REST: variants seen among roughly 807,000 people sequenced by gnomAD.
REST encodes RE1 silencing transcription factor, also known as RE1-silencing transcription factor.
Under a neutral mutation model 30.4 loss-of-function variants are expected in REST, and 1 was observed. The ratio of observed to expected loss-of-function variants is 0.03; its 90% CI spans 0.01 to 0.16. The LOEUF is 0.16. REST is among the 10% of genes least tolerant of loss of function. REST has a pLI of 1.00. For missense variants in REST, 1,259 were observed against 1,329.5 expected, an observed-to-expected ratio of 0.95 and a Z score of 0.82; for synonymous variants, 504 against 451.1, an observed-to-expected ratio of 1.12 and a Z score of -1.49.
rs745688107 is a variant in REST, at chr4:56,932,099, C to T, written c.3241C>T (p.Arg1081Cys). 3.1e-6 allele frequency: 5 copies of T among 1,614,052 alleles called. No individual in the cohort carries two copies. Among genetic ancestry groups the T allele is most frequent in the African/African-American group, 1.3e-5 (1 of 74,934 alleles). The change falls in exon 4 of 4, where the codon CGC (arginine) becomes TGC (cysteine). Residue 1081 changes from arginine (R) to cysteine (C), a missense_variant. Around this residue, in one of 5 missense-constraint regions of REST, gnomAD observed 25 missense variants for 33.2 expected, o/e 0.75. Coordinates refer to ENST00000309042, the MANE Select transcript of REST (RefSeq NM_005612.5). ...AAAAGATTACAGCAAACACCTCAAT[C>T]GCCATTTGGTTAATGTGTACTATCT... ...KGKDYSKHLNRHLVNVYYLEE... is the reference protein window; with the variant it reads ...KGKDYSKHLNCHLVNVYYLEE...
chr4:56,911,252 C>G lies in REST; in HGVS notation c.614C>G (p.Thr205Ser). ...AAAGCCAGGGAATCTGGCTCTTCCA[C>G]TGCAGAAGAGGGAGATTTCTCCAAG... ...QAKARESGSS[T>S]AEEGDFSKGP... The change falls in exon 2 of 4, where the codon ACT becomes AGT. Residue 205 changes from threonine to serine, a missense_variant. By Grantham distance (58) the Thr-to-Ser change is moderately conservative. Transcript: ENST00000309042. The G allele has an allele frequency of 1.2e-6, 2 of 1,614,160 alleles. No homozygotes were observed. The highest frequency in any genetic ancestry group is 1.7e-6 in the Non-Finnish European group (2 of 1,180,016).
At position 56,919,817 on chromosome 4, in the gene REST, C is replaced by G; in HGVS notation, c.929C>G (p.Pro310Arg). Residue 310 changes from proline (P) to arginine (R), a missense_variant, in exon 3 of 4, where the codon CCT (proline) becomes CGT (arginine). Physicochemically the swap from Pro to Arg is moderately radical, Grantham distance 103. Around this residue, in one of 5 missense-constraint regions of REST, gnomAD observed 125 missense variants for 255.4 expected, o/e 0.49. Transcript: ENST00000309042. ...CGCCCATATAAATGTGAACTTTGTCCTTACTCAAGTTCTCAGAAGACTCAT... is the reference window on the plus strand; with the variant it reads ...CGCCCATATAAATGTGAACTTTGTCGTTACTCAAGTTCTCAGAAGACTCAT... ...GERPYKCELC[P>R]YSSSQKTHLT... 1 of 1,608,956 alleles carries G rather than the reference C, an allele frequency of 6.2e-7. No homozygotes were observed. The highest frequency in any genetic ancestry group is 8.5e-7 in the Non-Finnish European group (1 of 1,176,538).
In REST at chr4:56,933,084, A is replaced by C. The variant is rs1578518880; in HGVS notation, c.*932A>C. On this transcript the variant is annotated 3_prime_UTR_variant, in exon 4 of 4. Coordinates refer to ENST00000309042, the MANE Select transcript of REST (RefSeq NM_005612.5). ...ATATCTATGCCAGAATCTGTATTTC[A>C]TATAACTTATTTATTTCGAATGGAT... The C allele has an allele frequency of 6.6e-6, 1 of 152,226 alleles. No individual in the cohort carries two copies. Among genetic ancestry groups the C allele is most frequent in the African/African-American group, 2.4e-5 (1 of 41,460 alleles). The allele number at this position is 152,226 out of a possible 1,614,324, so 9.4% of individuals were successfully genotyped here.
intron 2 of REST, among the ~76,000 whole-genome samples, chr4:56,913,032 A>T (rs1720007277): frequency 6.6e-6 from 1 of 151,962 alleles, no homozygotes; most frequent in Non-Finnish European, 1.5e-5. Context: ...ACCTGGCCTC[A>T]AGTGATCCTC....
At position 56,934,864 on chromosome 4, in the gene REST, T is replaced by C. The variant is rs1721094665; in HGVS notation, c.*2712T>C. ...TAAGCCTTAATCTTAGGTAGTCTTATGAAAATGAATCTCTTAACTATCTTT... is the reference window on the plus strand; with the variant it reads ...TAAGCCTTAATCTTAGGTAGTCTTACGAAAATGAATCTCTTAACTATCTTT... On this transcript the variant is annotated 3_prime_UTR_variant, in exon 4 of 4. Transcript: ENST00000309042. 6.6e-6 allele frequency: 1 copy of C among 152,210 alleles called. No individual in the cohort carries two copies. The highest frequency in any genetic ancestry group is 1.5e-5 in the Non-Finnish European group (1 of 68,024). 9.4% of individuals were successfully genotyped at this position (152,210 alleles called of 1,614,324 possible). A position where few individuals can be genotyped will look rare whatever the true frequency, so the allele number is the denominator to read the frequency against.
chr4:56,930,351 A>T lies in REST; in HGVS notation c.1493A>T (p.Glu498Val). 1 of 1,614,118 alleles carries T rather than the reference A, an allele frequency of 6.2e-7. No homozygotes were observed. Among genetic ancestry groups the T allele is most frequent in the Non-Finnish European group, 8.5e-7 (1 of 1,180,016 alleles). ...ACCAGAACTCGAAAATCAGTAACAG[A>T]GGTGAAAGAGATGGATGTGCATACA... ...VTTRTRKSVT[E>V]VKEMDVHTGS... Residue 498 changes from glutamate (E) to valine (V), a missense_variant, in exon 4 of 4, where the codon GAG (glutamate) becomes GTG (valine). Physicochemically the swap from Glu to Val is moderately radical, Grantham distance 121. Coordinates refer to ENST00000309042, the MANE Select transcript of REST (RefSeq NM_005612.5).
At chr4:56,927,611 C>T in intron 3 of REST, 2 of 1,146,430 alleles carry the variant, frequency 1.7e-6, no homozygotes, top group Non-Finnish European at 2.2e-6. Context: ...TTCCATTGGA[C>T]CAGTGGGGTA....
intron 2 of REST, among the ~76,000 whole-genome samples, chr4:56,917,945 A>AATATAGGC (rs1720279687): frequency 6.7e-6 from 1 of 149,996 alleles, no homozygotes; most frequent in African/African-American, 2.5e-5. Context: ...CCAGCTACTC[A>AATATAGGC]GGAGGCTGAG....
At position 56,930,950 on chromosome 4, in the gene REST, G is replaced by A. The variant is rs202161415; in HGVS notation, c.2092G>A (p.Val698Ile). ...PPPMETAQTE[V>I]AQMGPAPMEP... ...TCCCATGGAGACTGCTCAGACGGAG[G>A]TTGCCCAAATGGGGCCTGCTCCCAT... is the stretch of plus-strand genomic sequence containing the variant. Residue 698 changes from valine to isoleucine, a missense_variant, in exon 4 of 4, where the codon GTT becomes ATT. Physicochemically the swap from Val to Ile is conservative, Grantham distance 29. Coordinates refer to ENST00000309042, the MANE Select transcript of REST (RefSeq NM_005612.5). 3.7e-6 allele frequency: 6 copies of A among 1,613,242 alleles called. No homozygotes were observed. In the Admixed American group the frequency reaches 1.0e-4, roughly 27 times the overall value.
Position 56,931,369 on chromosome 4 carries a change from T to C in REST, c.2511T>C (p.Leu837=), listed in dbSNP as rs2109577655. ...AAAGGGCACGGAAGGAGCAAGTCCT[T>C]ATTGAAGTTGGCTTAGTGCCTGTTA... ...QSERARKEQV[L]IEVGLVPVKD... The change falls in exon 4 of 4, where the codon CTT becomes CTC. Residue 837 remains leucine (L), a synonymous_variant. Coordinates refer to ENST00000309042, the MANE Select transcript of REST (RefSeq NM_005612.5). The C allele has an allele frequency of 6.2e-7, 1 of 1,614,238 alleles. No individual in the cohort carries two copies. Among genetic ancestry groups the C allele is most frequent in the Non-Finnish European group, 8.5e-7 (1 of 1,180,040 alleles).
chr4:56,912,782 G>A (rs11942607), intron 2 of REST, among the ~76,000 whole-genome samples: 11,131 of 151,840 alleles, frequency 0.073, 454 homozygotes, highest in African/African-American at 0.09. Flanking sequence ...AGAATGCTGG[G>A]ATTACAGGCG....
intron 2 of REST, among the ~76,000 whole-genome samples, chr4:56,913,276 C>G (rs554054455): frequency 2.0e-4 from 30 of 152,322 alleles, no homozygotes; most frequent in African/African-American, 7.2e-4. Flanking sequence ...CCTCCCATCT[C>G]AACCTCCAAA....
chr4:56,926,500 C>T (rs1720717275), intron 3 of REST, among the ~76,000 whole-genome samples: 1 of 152,032 alleles, frequency 6.6e-6, no homozygotes, highest in African/African-American at 2.4e-5. Flanking sequence ...CCTCAGCCTC[C>T]CAAGTAGCTG....
In REST at chr4:56,910,634, C is replaced by T; in HGVS notation, c.-5C>T. ...TTTGTTTTGTTTTTAATTCAGAATACAGTTATGGCCACCCAGGTAATGGGG... is the reference window on the plus strand; with the variant it reads ...TTTGTTTTGTTTTTAATTCAGAATATAGTTATGGCCACCCAGGTAATGGGG... On this transcript the variant is annotated 5_prime_UTR_variant, in exon 2 of 4. Coordinates refer to ENST00000309042, the MANE Select transcript of REST (RefSeq NM_005612.5). The T allele has an allele frequency of 6.3e-7, 1 of 1,598,390 alleles. No individual in the cohort carries two copies. Among genetic ancestry groups the T allele is most frequent in the Non-Finnish European group, 8.5e-7 (1 of 1,170,074 alleles).
chr4:56,908,863 C>T (rs918022801), intron 1 of REST: 2 of 151,640 alleles, frequency 1.3e-5, no homozygotes, highest in African/African-American at 4.8e-5. Context: ...GTGAAGTTCG[C>T]AAACTTCCGG....
At chr4:56,912,041 A>G (rs1185925806) in intron 2 of REST, among the ~76,000 whole-genome samples, 1 of 152,248 alleles carries the variant, frequency 6.6e-6, no homozygotes. Context: ...TTTCTGAAAG[A>G]AATTGAGGGC....
rs1250741527 is a variant in REST, at chr4:56,931,504, A to G, written c.2646A>G (p.Leu882=). 1 of 1,614,196 alleles carries G rather than the reference A, an allele frequency of 6.2e-7. No homozygotes were observed. Among genetic ancestry groups the G allele is most frequent in the Non-Finnish European group, 8.5e-7 (1 of 1,180,038 alleles). ...LREEASGDQK[L]LNTGEGNKEA... ...AAGAGGCATCAGGAGACCAAAAATT[A>G]CTCAACACAGGTGAAGGAAATAAAG... The change falls in exon 4 of 4, where the codon TTA becomes TTG. Residue 882 remains leucine (L), a synonymous_variant. Coordinates refer to ENST00000309042, the MANE Select transcript of REST (RefSeq NM_005612.5).
At position 56,931,970 on chromosome 4, in the gene REST, G is replaced by A; in HGVS notation, c.3112G>A (p.Val1038Ile). The A allele has an allele frequency of 6.2e-7, 1 of 1,614,236 alleles. No homozygotes were observed. Among genetic ancestry groups the A allele is most frequent in the Non-Finnish European group, 8.5e-7 (1 of 1,180,038 alleles). ...DDSGLHGARPVPQESSRKNAK... is the reference protein window; with the variant it reads ...DDSGLHGARPIPQESSRKNAK... ...TTCTGGATTGCATGGGGCTCGGCCAGTTCCACAAGAATCTAGCAGAAAAAA... is the reference window on the plus strand; with the variant it reads ...TTCTGGATTGCATGGGGCTCGGCCAATTCCACAAGAATCTAGCAGAAAAAA... Residue 1038 changes from valine (V) to isoleucine (I), a missense_variant, in exon 4 of 4, where the codon GTT (valine) becomes ATT (isoleucine). By Grantham distance (29) the Val-to-Ile change is conservative. This residue lies in a region of REST where 856 missense variants were observed against 772.8 expected (regional missense o/e 1.11). Coordinates refer to ENST00000309042, the MANE Select transcript of REST (RefSeq NM_005612.5).
intron 3 of REST, 35 bp downstream of exon 3, chr4:56,919,905 A>G (rs1030192505): frequency 5.5e-6 from 6 of 1,086,996 alleles, no homozygotes; most frequent in Non-Finnish European, 6.8e-6. Flanking sequence ...TATCATTTTC[A>G]GTAAATGACC....
Sources: gnomAD v4.1 joint callset for allele counts (sites outside exome capture counted in the v4.1 genomes callset) on GRCh38, gnomAD v4.1.1 for gene constraint, gnomAD v4.1.1 regional missense constraint, MANE v1.5 for transcripts, NCBI Gene and HGNC (gene_info 2026-07-23, HGNC 2026-07-21) for gene names.